The following ACSM2A variants were observed in gnomAD, a reference collection of about 807,000 sequenced individuals.
The protein encoded by ACSM2A is acyl-coenzyme A synthetase ACSM2A, mitochondrial.
ACSM2A carries 72 observed loss-of-function variants against 76.6 expected under a neutral mutation model. The ratio of observed to expected loss-of-function variants is 0.94; its 90% CI spans 0.78 to 1.14. The LOEUF (loss-of-function observed/expected upper bound fraction) is 1.14. Among genes scored for constraint, ACSM2A ranks in the 50% most tolerant of loss-of-function variants. The pLI is 0.00. For missense variants in ACSM2A, 684 were observed against 708.5 expected (o/e 0.97, Z 0.39); for synonymous variants, 249 against 255.9 (o/e 0.97, Z 0.26).
chr16:20,477,180 A>G, intron 8 of ACSM2A, 189 bp from the exon 9 acceptor site: 2 of 1,080,798 alleles, frequency 1.9e-6, no homozygotes, highest in Non-Finnish European at 2.5e-6. Context: ...TGAACTAACA[A>G]TTTAGCGAAG....
intron 13 of ACSM2A, 77 bp downstream of exon 13, chr16:20,483,254 G>C: frequency 3.8e-6 from 6 of 1,581,414 alleles, no homozygotes; most frequent in Non-Finnish European, 5.2e-6. Flanking sequence ...TTCTTCAGGA[G>C]GAGGACAGTC....
intron 13 of ACSM2A, among the ~76,000 whole-genome samples, chr16:20,484,588 A>C (rs1318038687): frequency 3.6e-5 from 5 of 140,372 alleles, no homozygotes; most frequent in Non-Finnish European, 7.7e-5. Context: ...TTTTGGAATC[A>C]ACCCCTGGGG....
rs769037621 is a variant in ACSM2A, at chr16:20,465,612, G to A, written c.273G>A (p.Gln91=). Residue 91 remains glutamine, a synonymous_variant, in exon 3 of 14, where the codon CAG becomes CAA. Coordinates refer to ENST00000573854, the MANE Select transcript of ACSM2A (RefSeq NM_001308172.2). ...WNFRELSENS[Q]QAANVLSGAC... ...TCAGAGAACTGAGTGAAAACAGCCAGCAGGCAGCCAACGTCCTCTCGGGAG... is the reference window on the plus strand; with the variant it reads ...TCAGAGAACTGAGTGAAAACAGCCAACAGGCAGCCAACGTCCTCTCGGGAG... 11 of 1,613,910 alleles carry A rather than the reference G, an allele frequency of 6.8e-6. No individual in the cohort carries two copies. The highest frequency in any genetic ancestry group is 6.6e-5 in the South Asian group (6 of 91,078).
intron 3 of ACSM2A, among the ~76,000 whole-genome samples, chr16:20,468,614 C>A (rs1396029801): frequency 2.6e-5 from 4 of 152,194 alleles, no homozygotes; most frequent in African/African-American, 9.7e-5. Flanking sequence ...CCCTCCTTGG[C>A]CTCCCAAAAT....
chr16:20,454,272 G>A lies in ACSM2A; in HGVS notation c.-9+2591G>A, dbSNP rs552394921. On this transcript the variant is annotated intron_variant, in intron 1 of 13. Coordinates refer to ENST00000573854, the MANE Select transcript of ACSM2A (RefSeq NM_001308172.2). ...TAGAAAGAACCTATGTTCAAATATT[G>A]TGGGCTGGTTCCCCTGATAGATTGG... Among the ~76,000 whole-genome samples the A allele has an allele frequency of 2.1e-4, 32 of 150,438 alleles. No individual in the cohort carries two copies. In the South Asian group the frequency reaches 6.4e-3, roughly 30 times the overall value.
chr16:20,480,046 G>A (rs568731211), intron 10 of ACSM2A, among the ~76,000 whole-genome samples: 1 of 152,184 alleles, frequency 6.6e-6, no homozygotes, highest in Non-Finnish European at 1.5e-5. Context: ...ACTGACAAGG[G>A]ATAAACCTCA....
In ACSM2A at chr16:20,486,899, G is replaced by A. The variant is rs2014410481; in HGVS notation, c.*221G>A. On this transcript the variant is annotated 3_prime_UTR_variant, in exon 14 of 14. Transcript: ENST00000573854. The stretch of plus-strand genomic sequence containing the variant: ...AAAAGGAGAGGGTAACAGAAAAAAA[G>A]GAAAGAAAAGTAAGTCAGGGAAATA... The A allele has an allele frequency of 6.5e-6, 3 of 460,874 alleles. No individual in the cohort carries two copies. The highest frequency in any genetic ancestry group is 3.9e-5 in the Admixed American group (1 of 25,336). 28.5% of individuals were successfully genotyped at this position (460,874 alleles called of 1,614,324 possible). A position where few individuals can be genotyped will look rare whatever the true frequency, so the allele number is the denominator to read the frequency against.
chr16:20,468,574 G>A (rs1381698413), intron 3 of ACSM2A, among the ~76,000 whole-genome samples: 1 of 152,150 alleles, frequency 6.6e-6, no homozygotes, highest in Non-Finnish European at 1.5e-5. Context: ...TGGCCAGGCT[G>A]GTCTTGAACT....
At chr16:20,453,097 G>T (rs2011884622) in intron 1 of ACSM2A, 2 of 151,986 alleles carry the variant, frequency 1.3e-5, no homozygotes, top group African/African-American at 2.4e-5. Context: ...ATCTCCTGTA[G>T]AGAAAGAACT....
intron 2 of ACSM2A, among the ~76,000 whole-genome samples, chr16:20,464,505 G>C (rs2012848202): frequency 6.6e-6 from 1 of 152,134 alleles, no homozygotes; most frequent in South Asian, 2.1e-4. Context: ...ACAATAAAGG[G>C]CAAGATGAGG....
In ACSM2A at chr16:20,460,287, A is replaced by G; in HGVS notation, c.173A>G (p.Glu58Gly). 6.2e-7 allele frequency: 1 copy of G among 1,613,686 alleles called. No homozygotes were observed. Among genetic ancestry groups the G allele is most frequent in the Non-Finnish European group, 8.5e-7 (1 of 1,179,758 alleles). The change falls in exon 2 of 14, where the codon GAG becomes GGG. Residue 58 changes from glutamate to glycine, a missense_variant. Glu to Gly is a moderately conservative substitution (Grantham distance 98). Coordinates refer to ENST00000573854, the MANE Select transcript of ACSM2A (RefSeq NM_001308172.2). ...SDVLDHWADM[E>G]KAGKRLPSPA... ...GTGTTGGATCACTGGGCTGACATGG[A>G]GAAGGTAATGGGGTGGAAAAGAGGC...
chr16:20,475,484 C>A, intron 7 of ACSM2A, 43 bp downstream of exon 7: 4 of 1,610,268 alleles, frequency 2.5e-6, no homozygotes, highest in Non-Finnish European at 3.4e-6. Context: ...TGGCCCCATC[C>A]CCCTGACTCC....
chr16:20,483,199 G>A, intron 13 of ACSM2A, 22 bp downstream of exon 13: 2 of 1,611,554 alleles, frequency 1.2e-6, no homozygotes, highest in Non-Finnish European at 1.7e-6. Context: ...GAGCTCCCAA[G>A]TCACTCAAAC....
At chr16:20,458,946 A>ATATC (rs2012432719) in intron 1 of ACSM2A, among the ~76,000 whole-genome samples, 1 of 142,366 alleles carries the variant, frequency 7.0e-6, no homozygotes, top group African/African-American at 2.6e-5. Flanking sequence ...ATATATATAT[A>ATATC]ATGAAATACT....
chr16:20,485,688 G>A (rs1326244487), intron 13 of ACSM2A, among the ~76,000 whole-genome samples: 1 of 152,160 alleles, frequency 6.6e-6, no homozygotes, highest in East Asian at 1.9e-4. Context: ...ATTGTGTTTT[G>A]AACAAACTCT....
At chr16:20,458,904 G>GTATATATATATATATATATATGTATATA in intron 1 of ACSM2A, among the ~76,000 whole-genome samples, 1 of 27,388 alleles carries the variant, frequency 3.7e-5, no homozygotes, top group South Asian at 1.9e-3. Context: ...ATATATATAT[G>GTATATATATATATATATATATGTATATA]CATATATATA....
rs183386952 is a variant in ACSM2A at position 20,478,409 on chromosome 16, C to T, written c.1180-167C>T. ...CCTAAACTATTCCAGGCAGATAGAT[C>T]AGAGATCTGAGTTTAAGACTCTTGG... is the stretch of plus-strand genomic sequence containing the variant. On this transcript the variant is annotated intron_variant, in intron 9 of 13. Coordinates refer to ENST00000573854, the MANE Select transcript of ACSM2A (RefSeq NM_001308172.2). 9.2e-5 allele frequency among the ~76,000 whole-genome samples: 14 copies of T among 152,286 alleles called. No individual in the cohort carries two copies. The East Asian group carries it at 2.7e-3, about 29-fold the overall frequency.
At chr16:20,479,806 A>T (rs1329437995) in intron 10 of ACSM2A, among the ~76,000 whole-genome samples, 1 of 152,228 alleles carries the variant, frequency 6.6e-6, no homozygotes, top group African/African-American at 2.4e-5. Flanking sequence ...CATGATGCCC[A>T]TGAGAAAGTC....
At chr16:20,473,068 C>T (rs1394675) in intron 6 of ACSM2A, among the ~76,000 whole-genome samples, 57,130 of 151,898 alleles carry the variant, frequency 0.38, 12,094 homozygotes, top group East Asian at 0.79. Flanking sequence ...TGAAGATACA[C>T]CCTATGTTGG....
Sources: allele counts gnomAD v4.1 joint callset (sites outside exome capture counted in the v4.1 genomes callset), GRCh38; gene constraint gnomAD v4.1.1; transcripts MANE v1.5; gene names NCBI Gene and HGNC (gene_info 2026-07-23, HGNC 2026-07-21).